The following PHF20L1 variants were observed in gnomAD, a reference collection of about 807,000 sequenced individuals.
PHF20L1 encodes the protein PHD finger protein 20-like protein 1.
In PHF20L1, 44 loss-of-function variants were observed where a neutral mutation model predicts 125.5. That is an observed-to-expected ratio of 0.35 (90% CI 0.28 to 0.45). The LOEUF (loss-of-function observed/expected upper bound fraction) is 0.45, where lower values mean the gene tolerates loss of function less well. Ranked by LOEUF, PHF20L1 falls within the 20% of genes least tolerant of loss-of-function variation. The pLI, the probability that PHF20L1 is intolerant of heterozygous loss-of-function variation, is 1.00. For missense variants in PHF20L1, 1,012 were observed against 1,217.2 expected, an observed-to-expected ratio of 0.83 and a Z score of 2.51; for synonymous variants, 380 against 403.1, an observed-to-expected ratio of 0.94 and a Z score of 0.69.
intron 10 of PHF20L1, chr8:132,816,026 G>A (rs1453732461): frequency 1.3e-5 from 2 of 151,578 alleles, no homozygotes; most frequent in Non-Finnish European, 3.0e-5. Context: ...CGTTTTGATT[G>A]TAAAATTACT....
intron 19 of PHF20L1, chr8:132,843,360 C>T: frequency 2.0e-6 from 2 of 979,216 alleles, no homozygotes; most frequent in Non-Finnish European, 1.2e-6. Flanking sequence ...CATCTATAAA[C>T]TTATTTCCTG....
At chr8:132,812,059 G>T in intron 9 of PHF20L1, 2 of 983,390 alleles carry the variant, frequency 2.0e-6, no homozygotes, top group South Asian at 9.4e-5. Flanking sequence ...CATTAATGTT[G>T]TATTAAATCA....
chr8:132,785,747 T>C (rs1281028113), intron 2 of PHF20L1, among the ~76,000 whole-genome samples: 4 of 152,234 alleles, frequency 2.6e-5, no homozygotes, highest in South Asian at 2.1e-4. Flanking sequence ...GCAGTAAAGT[T>C]GAAGGAAGAG....
intron 10 of PHF20L1, 89 bp downstream of exon 10, chr8:132,814,978 T>C (rs1834791079): frequency 9.0e-7 from 1 of 1,108,746 alleles, no homozygotes; most frequent in Non-Finnish European, 1.3e-6. Context: ...TTTTATGAAG[T>C]TGCTTTTTAA....
Position 132,832,315 on chromosome 8 carries a change from C to G in PHF20L1, c.1825C>G (p.Leu609Val), listed in dbSNP as rs761236819. The part of the protein sequence containing the change: ...SPLTRSSGSS[L>V]ASRSMFTEKT... ...ACTAACTCGATCTTCTGGGAGTTCT[C>G]TGGCTTCACGAAGCATGTTTACGGA... The change falls in exon 15 of 21, where the codon CTG becomes GTG. Residue 609 changes from leucine (L) to valine (V), a missense_variant. Physicochemically the swap from Leu to Val is conservative, Grantham distance 32 (BLOSUM62 1). Transcript: ENST00000395386. The G allele has an allele frequency of 6.2e-7, 1 of 1,610,344 alleles. No individual in the cohort carries two copies. The highest frequency in any genetic ancestry group is 8.5e-7 in the Non-Finnish European group (1 of 1,176,922).
chr8:132,832,120 C>T lies in PHF20L1; in HGVS notation c.1745-115C>T, dbSNP rs190707154. On this transcript the variant is annotated intron_variant, in intron 14 of 20. Transcript: ENST00000395386. ...TATGTAGCTTTTCATGGATGAGAAG[C>T]GAAAGTGGTAGCATGATTATTTGGT... is the stretch of plus-strand genomic sequence containing the variant. 992 of 703,248 alleles carry T rather than the reference C, an allele frequency of 1.4e-3. 8 individuals are homozygous for T. The African/African-American group carries it at 0.015, about 11-fold the overall frequency. The allele number at this position is 703,248 out of a possible 1,614,324, so 43.6% of individuals were successfully genotyped here.
chr8:132,818,659 A>G (rs901237045), intron 12 of PHF20L1: 1 of 151,904 alleles, frequency 6.6e-6, no homozygotes, highest in Non-Finnish European at 1.5e-5. Context: ...TAGTTTCTCA[A>G]ATCAGATCTA....
In PHF20L1 at chr8:132,799,182, T is replaced by G. The variant is rs760951920; in HGVS notation, c.507+10T>G. The G allele has an allele frequency of 3.2e-6, 5 of 1,552,856 alleles. No individual in the cohort carries two copies. In the South Asian group the frequency reaches 5.9e-5, roughly 18 times the overall value. On this transcript the variant is annotated intron_variant, in intron 6 of 20. Transcript: ENST00000395386. ...GTCTATGGGAAGTGAGGTAAGAGCC[T>G]TTTTTTTAAAAATTTTGTTTTGTTT... is the stretch of plus-strand genomic sequence containing the variant.
At chr8:132,836,773 A>G in intron 16 of PHF20L1, 52 bp downstream of exon 16, 5 of 1,277,230 alleles carry the variant, frequency 3.9e-6, no homozygotes, top group Non-Finnish European at 5.6e-6. Context: ...TCAGGTGCTC[A>G]GCAAATGCAT....
chr8:132,797,779 A>G (rs1210570564), intron 4 of PHF20L1, among the ~76,000 whole-genome samples: 6 of 152,044 alleles, frequency 3.9e-5, no homozygotes, highest in Non-Finnish European at 7.4e-5. Flanking sequence ...ATCTTTGCAC[A>G]TATATATTAT....
intron 14 of PHF20L1, chr8:132,827,049 G>T (rs1279324155): frequency 6.6e-6 from 1 of 151,906 alleles, no homozygotes; most frequent in East Asian, 1.9e-4. Flanking sequence ...TAAATTTGAA[G>T]ATACAGGATC....
chr8:132,778,803 G>T (rs922639932), intron 2 of PHF20L1, among the ~76,000 whole-genome samples: 7 of 152,162 alleles, frequency 4.6e-5, no homozygotes, highest in African/African-American at 1.7e-4. Flanking sequence ...CATTAGAGGG[G>T]TTCCGCTTCT....
chr8:132,789,262 T>C (rs1416033397), intron 2 of PHF20L1, among the ~76,000 whole-genome samples: 2 of 152,128 alleles, frequency 1.3e-5, no homozygotes, highest in Non-Finnish European at 2.9e-5. Context: ...TGCCACTCTC[T>C]GAAGAGTCTT....
intron 2 of PHF20L1, among the ~76,000 whole-genome samples, chr8:132,792,512 A>T (rs914206070): frequency 6.6e-6 from 1 of 152,164 alleles, no homozygotes; most frequent in African/African-American, 2.4e-5. Context: ...AAAGACTAAG[A>T]TCTAACAAGG....
Position 132,803,953 on chromosome 8 carries a change from G to A in PHF20L1, c.642G>A (p.Lys214=), listed in dbSNP as rs746833834. The A allele has an allele frequency of 6.8e-6, 11 of 1,612,174 alleles. No individual in the cohort carries two copies. The East Asian group carries it at 2.5e-4, about 36-fold the overall frequency. ...DERKWFKVPS[K]KEETSTCIAT... ...GAAAGTGGTTTAAAGTACCTTCAAA[G>A]AAGGAGGAAACTTCAACTTGTATAG... The change falls in exon 7 of 21, where the codon AAG becomes AAA. Residue 214 remains lysine, a synonymous_variant. Coordinates refer to ENST00000395386, the MANE Select transcript of PHF20L1 (RefSeq NM_016018.5).
intron 15 of PHF20L1, 159 bp from the exon 16 acceptor site, chr8:132,836,381 C>T (rs1238322501): frequency 3.9e-6 from 2 of 509,088 alleles, no homozygotes; most frequent in Non-Finnish European, 6.8e-6. Flanking sequence ...CTTTTGTTTC[C>T]ATGTCCAGAG....
At chr8:132,833,119 C>T (rs897245910) in intron 15 of PHF20L1, among the ~76,000 whole-genome samples, 3 of 152,040 alleles carry the variant, frequency 2.0e-5, no homozygotes, top group Admixed American at 1.3e-4. Flanking sequence ...GAGTAGAGCT[C>T]TAATGCAATA....
At chr8:132,816,859 C>CT (rs777254279) in intron 10 of PHF20L1, 29 bp from the exon 11 acceptor site, 2 of 1,500,244 alleles carry the variant, frequency 1.3e-6, no homozygotes, top group Non-Finnish European at 1.9e-6. Flanking sequence ...TATGTATCTG[C>CT]TTCGTGAACA....
At chr8:132,825,749 A>G (rs984184771) in intron 14 of PHF20L1, among the ~76,000 whole-genome samples, 2 of 152,068 alleles carry the variant, frequency 1.3e-5, no homozygotes, top group South Asian at 4.1e-4. Context: ...GAAGAATTTG[A>G]GAAACCAACA....
Sources: allele counts gnomAD v4.1 joint callset (sites outside exome capture counted in the v4.1 genomes callset), GRCh38; gene constraint gnomAD v4.1.1; transcripts MANE v1.5; gene names NCBI Gene and HGNC (gene_info 2026-07-23, HGNC 2026-07-21).